The following ADAMTSL2 variants were observed in gnomAD, a reference collection of about 807,000 sequenced individuals.
The protein encoded by ADAMTSL2 is ADAMTS-like protein 2.
A neutral mutation model predicts 117.0 loss-of-function variants in ADAMTSL2; 55 were observed. The ratio of observed to expected loss-of-function variants is 0.47; its 90% confidence interval spans 0.38 to 0.59. The LOEUF (loss-of-function observed/expected upper bound fraction) is 0.59. ADAMTSL2 is among the 20% of genes least tolerant of loss of function. The pLI is 0.00. For missense variants in ADAMTSL2, 1,182 were observed against 1,354.5 expected (o/e 0.87, Z 2.00); for synonymous variants, 572 against 566.4 (o/e 1.01, Z -0.14).
In ADAMTSL2 at chr9:133,558,802, TC is replaced by T. The variant is rs1343379461; in HGVS notation, c.1650-2394del. ...GGTGCTTCAGCGATTTCCTTGGTGTTCCGCTTCCCTGTGCTACTTCCAAGAA... is the reference window on the plus strand; with the variant it reads ...GGTGCTTCAGCGATTTCCTTGGTGTTCGCTTCCCTGTGCTACTTCCAAGAA... On this transcript the variant is annotated intron_variant, in intron 11 of 18. Coordinates refer to ENST00000651351, the MANE Select transcript of ADAMTSL2 (RefSeq NM_014694.4). This position sits in a 1 kb window ranked among gnomAD's most constrained non-coding sequence, Gnocchi z 4.3. 9.9e-5 allele frequency among the ~76,000 whole-genome samples: 15 copies of T among 152,222 alleles called. No individual in the cohort carries two copies. The highest frequency in any genetic ancestry group is 2.1e-4 in the Non-Finnish European group (14 of 68,036).
chr9:133,575,240 G>A lies in ADAMTSL2; in HGVS notation c.*376G>A, dbSNP rs113048552. 0.072 allele frequency: 19,150 copies of A among 266,690 alleles called. 961 individuals carry two copies. The highest frequency in any genetic ancestry group is 0.11 in the Non-Finnish European group (14,905 of 136,492). 16.5% of individuals were successfully genotyped at this position (266,690 alleles called of 1,614,324 possible). The stretch of plus-strand genomic sequence containing the variant: ...GGCCCGTAGCCCACGCCCTCTCTGG[G>A]TGGCAGGGCCTTCTGAAGGAAACTT... On this transcript the variant is annotated 3_prime_UTR_variant, in exon 19 of 19. Transcript: ENST00000651351.
chr9:133,535,968 G>A (rs1830040818), intron 1 of ADAMTSL2, among the ~76,000 whole-genome samples: 1 of 152,192 alleles, frequency 6.6e-6, no homozygotes, highest in African/African-American at 2.4e-5. Flanking sequence ...AGTCAGCCTT[G>A]TGGCCCTGGA....
At chr9:133,539,988 C>T in intron 5 of ADAMTSL2, 115 bp downstream of exon 5, 1 of 984,676 alleles carries the variant, frequency 1.0e-6, no homozygotes. Context: ...TGGAGGTGGT[C>T]AGACGAAGAG....
chr9:133,565,295 C>T (rs1334817625), intron 12 of ADAMTSL2, among the ~76,000 whole-genome samples: 2 of 152,194 alleles, frequency 1.3e-5, no homozygotes, highest in Non-Finnish European at 2.9e-5. Flanking sequence ...AAGGAGCATG[C>T]TGAGGCCTGG....
chr9:133,554,555 G>C lies in ADAMTSL2; in HGVS notation c.1138G>C (p.Gly380Arg), dbSNP rs543220749. Residue 380 changes from glycine (G) to arginine (R), a missense_variant, in exon 10 of 19, where the codon GGC becomes CGC. Gly to Arg is a moderately radical substitution (Grantham distance 125). Around this residue, in one of 3 missense-constraint regions of ADAMTSL2, gnomAD observed 345 missense variants for 325.8 expected, o/e 1.06. Coordinates refer to ENST00000651351, the MANE Select transcript of ADAMTSL2 (RefSeq NM_014694.4). The surrounding 1 kb of genome is among the most constrained non-coding windows in gnomAD (Gnocchi z 5.2). ...CGGCCAGGCCTCCTCAGAGCGGCTGGGCCTGGACAACCGGCTGTTCGGCCA... is the reference window on the plus strand; with the variant it reads ...CGGCCAGGCCTCCTCAGAGCGGCTGCGCCTGGACAACCGGCTGTTCGGCCA... ...LYGQASSERLGLDNRLFGHPG... is the reference protein window; with the variant it reads ...LYGQASSERLRLDNRLFGHPG... 30 of 1,547,530 alleles carry C rather than the reference G, an allele frequency of 1.9e-5. No homozygotes were observed. In the African/African-American group the frequency reaches 4.0e-4, roughly 20 times the overall value.
Position 133,554,456 on chromosome 9 carries a change from T to C in ADAMTSL2, c.1039T>C (p.Ser347Pro). Residue 347 changes from serine to proline, a missense_variant, in exon 10 of 19, where the codon TCC becomes CCC. By Grantham distance (74) the Ser-to-Pro change is moderately conservative. Around this residue, in one of 3 missense-constraint regions of ADAMTSL2, gnomAD observed 345 missense variants for 325.8 expected, o/e 1.06. Coordinates refer to ENST00000651351, the MANE Select transcript of ADAMTSL2 (RefSeq NM_014694.4). This position sits in a 1 kb window ranked among gnomAD's most constrained non-coding sequence, Gnocchi z 5.2. ...SRPQPIYYGF[S>P]ESAESQGLDG... ...CCCCCAGCCCATCTACTATGGCTTC[T>C]CCGAGAGCGCTGAGAGCCAGGGCCT... is the stretch of plus-strand genomic sequence containing the variant. 1 of 1,557,880 alleles carries C rather than the reference T, an allele frequency of 6.4e-7. No individual in the cohort carries two copies. The highest frequency in any genetic ancestry group is 8.7e-7 in the Non-Finnish European group (1 of 1,151,274).
chr9:133,567,900 G>T (rs986561649), intron 13 of ADAMTSL2, among the ~76,000 whole-genome samples: 1 of 152,212 alleles, frequency 6.6e-6, no homozygotes, highest in Admixed American at 6.5e-5. Context: ...TCCCCAGCAC[G>T]CTGGCCATGC....
chr9:133,543,099 C>T (rs1258250237), intron 7 of ADAMTSL2, among the ~76,000 whole-genome samples: 1 of 151,262 alleles, frequency 6.6e-6, no homozygotes, highest in African/African-American at 2.4e-5. Context: ...CAGGCTCCCA[C>T]CGCCATGCCC....
At chr9:133,553,638 G>A (rs1434879709) in intron 9 of ADAMTSL2, among the ~76,000 whole-genome samples, 3 of 152,128 alleles carry the variant, frequency 2.0e-5, no homozygotes, top group East Asian at 1.9e-4. Context: ...GCATTTCTAC[G>A]TGGGCCCTCG....
chr9:133,550,868 G>T (rs1244883589), intron 9 of ADAMTSL2, among the ~76,000 whole-genome samples: 1 of 152,142 alleles, frequency 6.6e-6, no homozygotes, highest in Non-Finnish European at 1.5e-5. Context: ...GTCTTCTACT[G>T]GGGTGTTTAG....
chr9:133,534,800 G>A lies in ADAMTSL2; in HGVS notation c.-268G>A. ...GGGAGGAGGGGAAGGGGAGAGGGAG[G>A]CCGGGCCGCAGCCTCTGCACTCACG... On this transcript the variant is annotated 5_prime_UTR_variant, in exon 1 of 19. Transcript: ENST00000651351. 1 of 1,485,038 alleles carries A rather than the reference G, an allele frequency of 6.7e-7. No individual in the cohort carries two copies. The highest frequency in any genetic ancestry group is 9.0e-7 in the Non-Finnish European group (1 of 1,112,278). 92.0% of individuals were successfully genotyped at this position (1,485,038 alleles called of 1,614,324 possible). A position where few individuals can be genotyped will look rare whatever the true frequency, so the allele number is the denominator to read the frequency against.
chr9:133,559,875 G>T (rs1001151623), intron 11 of ADAMTSL2, among the ~76,000 whole-genome samples: 5 of 152,128 alleles, frequency 3.3e-5, no homozygotes, highest in Non-Finnish European at 7.4e-5. Flanking sequence ...CCTGAGTTTA[G>T]GGAGCCACAC....
intron 4 of ADAMTSL2, 95 bp from the exon 5 acceptor site, chr9:133,539,676 T>TGTCCCGGCTGTC (rs1325115712): frequency 7.8e-7 from 1 of 1,288,194 alleles, no homozygotes; most frequent in Admixed American, 2.0e-5. Context: ...CTGTCCCGGC[T>TGTCCCGGCTGTC]GTCCCGGCTG....
At chr9:133,543,893 G>C (rs1017058025) in intron 7 of ADAMTSL2, among the ~76,000 whole-genome samples, 1 of 152,240 alleles carries the variant, frequency 6.6e-6, no homozygotes, top group African/African-American at 2.4e-5. Flanking sequence ...GCACGGGCCT[G>C]GGGGCCTTGA....
Position 133,568,310 on chromosome 9 carries a change from TGCGGAGAGGGC to T in ADAMTSL2, c.1913_1923del (p.Cys638LeufsTer76). On this transcript the variant is annotated frameshift_variant, in exon 14 of 19. Coordinates refer to ENST00000651351, the MANE Select transcript of ADAMTSL2 (RefSeq NM_014694.4). LOFTEE classifies it high-confidence loss of function. ...CAGCTGGAGCGAGTGTTCGCGCACC[TGCGGAGAGGGC>T]TACCAGTTCCGCGTCGTGCGCTGCT... The T allele has an allele frequency of 6.3e-7, 1 of 1,578,950 alleles. No individual in the cohort carries two copies. The highest frequency in any genetic ancestry group is 8.6e-7 in the Non-Finnish European group (1 of 1,163,408).
chr9:133,570,600 T>G, intron 17 of ADAMTSL2, 93 bp downstream of exon 17: 1 of 1,365,920 alleles, frequency 7.3e-7, no homozygotes. Flanking sequence ...AAGTGCTTCC[T>G]GCTCCTCCCT....
In ADAMTSL2 at chr9:133,538,429, G is replaced by C. The variant is rs776553795; in HGVS notation, c.309+5G>C. 6.2e-7 allele frequency: 1 copy of C among 1,612,810 alleles called. No individual in the cohort carries two copies. Among genetic ancestry groups the C allele is most frequent in the Non-Finnish European group, 8.5e-7 (1 of 1,179,776 alleles). On this transcript the variant is annotated splice_donor_5th_base_variant and intron_variant, in intron 4 of 18. Transcript: ENST00000651351. ...TACCAGCTCTGCAGAGTGCAGGTGA[G>C]GCCCGGCCCGGGCAGGGGCACCATG... is the stretch of plus-strand genomic sequence containing the variant.
intron 12 of ADAMTSL2, among the ~76,000 whole-genome samples, chr9:133,565,791 C>T (rs1213288913): frequency 1.3e-5 from 2 of 151,554 alleles, no homozygotes; most frequent in African/African-American, 4.8e-5. Flanking sequence ...CAGCCAAGAC[C>T]GTTCCATGAT....
rs1831195129 is a variant in ADAMTSL2 at position 133,574,967 on chromosome 9, G to A, written c.*103G>A. On this transcript the variant is annotated 3_prime_UTR_variant, in exon 19 of 19. Transcript: ENST00000651351. ...GACCCCCCTCCTGCGGGGCACGCTG[G>A]CCTAAGAGACGTGGCACTGAGCCTC... 2.3e-6 allele frequency: 2 copies of A among 881,856 alleles called. No homozygotes were observed. Among genetic ancestry groups the A allele is most frequent in the African/African-American group, 3.3e-5 (2 of 60,176 alleles). The allele number at this position is 881,856 out of a possible 1,614,324, so 54.6% of individuals were successfully genotyped here.
Sources: gnomAD v4.1 joint callset for allele counts (sites outside exome capture counted in the v4.1 genomes callset) on GRCh38, gnomAD v4.1.1 for gene constraint, gnomAD v4.1.1 regional missense constraint, Gnocchi (gnomAD v3.1) non-coding constraint, MANE v1.5 for transcripts, NCBI Gene and HGNC (gene_info 2026-07-23, HGNC 2026-07-21) for gene names.